The following TENM2 variants were observed in gnomAD, a reference collection of about 807,000 sequenced individuals.
The protein encoded by TENM2 is teneurin-2.
TENM2 carries 52 observed loss-of-function variants against 245.2 expected under a neutral mutation model. That is an observed-to-expected ratio of 0.21 (90% CI 0.17 to 0.27). The LOEUF (loss-of-function observed/expected upper bound fraction) is 0.27, where lower values mean the gene tolerates loss of function less well. Among genes scored for constraint, TENM2 ranks in the 10% least tolerant of loss-of-function variants. The pLI, the probability that TENM2 is intolerant of heterozygous loss-of-function variation, is 1.00. For synonymous variants in TENM2, 1,363 were observed against 1,438.9 expected, an observed-to-expected ratio of 0.95 and a Z score of 1.19; for missense variants, 3,046 against 3,666.8, an observed-to-expected ratio of 0.83 and a Z score of 4.37.
intron 3 of TENM2, among the ~76,000 whole-genome samples, chr5:167,905,961 T>C (rs1776056520): frequency 6.6e-6 from 1 of 152,228 alleles, no homozygotes; most frequent in Non-Finnish European, 1.5e-5. Context: ...TGTTAGGAGC[T>C]TGTTATTGTC....
In TENM2 at chr5:168,139,620, A is replaced by G. The variant is rs114455319; in HGVS notation, c.2422+12654A>G. 6.4e-3 allele frequency: 2,934 copies of G among 454,888 alleles called. 22 individuals are homozygous for G. The highest frequency in any genetic ancestry group is 9.3e-3 in the Non-Finnish European group (2,095 of 225,960). The allele number at this position is 454,888 out of a possible 1,614,324, so 28.2% of individuals were successfully genotyped here. ...TTAATGAGGGCACTATGAATTAAGT[A>G]TCTGTGTTGATTCAGGGAAGGGGAG... On this transcript the variant is annotated intron_variant, in intron 12 of 28. Coordinates refer to ENST00000518659, the Ensembl canonical transcript of TENM2.
At chr5:167,577,667 G>A (rs568152309) in intron 2 of TENM2, among the ~76,000 whole-genome samples, 38 of 152,118 alleles carry the variant, frequency 2.5e-4, no homozygotes, top group Non-Finnish European at 4.3e-4. Context: ...CTTGGTGGGA[G>A]ATTCTACTTT....
At chr5:168,060,227 GA>G (rs79503783) in intron 6 of TENM2, among the ~76,000 whole-genome samples, 4,613 of 119,502 alleles carry the variant, frequency 0.039, 86 homozygotes, top group African/African-American at 0.063. Flanking sequence ...TTGTCTCTAC[GA>G]AAAAAAAAAA....
At chr5:167,079,382 C>G in the TENM2 span, among the ~76,000 whole-genome samples, 1 of 150,216 alleles carries the variant, frequency 6.7e-6, no homozygotes, top group Non-Finnish European at 1.5e-5. Context: ...GGTGTGATCT[C>G]AGCTCACTGC....
intron 2 of TENM2, among the ~76,000 whole-genome samples, chr5:167,621,483 G>C (rs767185484): frequency 2.0e-5 from 3 of 151,988 alleles, no homozygotes; most frequent in African/African-American, 4.8e-5. Flanking sequence ...GGTAGGGAGG[G>C]GCCAGGTCAT....
chr5:167,690,316 A>G (rs1271500540), intron 2 of TENM2, among the ~76,000 whole-genome samples: 2 of 152,068 alleles, frequency 1.3e-5, no homozygotes, highest in African/African-American at 4.8e-5. Flanking sequence ...AGAAGAGGAA[A>G]GTGAGGTTCA....
the TENM2 span, among the ~76,000 whole-genome samples, chr5:167,101,716 G>A: frequency 6.6e-6 from 1 of 151,186 alleles, no homozygotes; most frequent in African/African-American, 2.4e-5. Flanking sequence ...CACATGTAGA[G>A]GCCATGTGTA....
intron 2 of TENM2, among the ~76,000 whole-genome samples, chr5:167,723,836 G>A (rs1759805130): frequency 2.0e-5 from 3 of 152,192 alleles, no homozygotes; most frequent in South Asian, 2.1e-4. Flanking sequence ...AGGCATTACT[G>A]TTCATGGAGC....
At chr5:167,479,519 C>A (rs1464486623) in intron 2 of TENM2, among the ~76,000 whole-genome samples, 1 of 151,994 alleles carries the variant, frequency 6.6e-6, no homozygotes, top group African/African-American at 2.4e-5. Flanking sequence ...ATAGTCTAAA[C>A]AAATAGATTT....
the TENM2 span, among the ~76,000 whole-genome samples, chr5:167,032,065 G>A: frequency 1.3e-5 from 2 of 151,908 alleles, no homozygotes; most frequent in African/African-American, 4.8e-5. Flanking sequence ...TGTTTTTTCG[G>A]AATTCCACAG....
intron 2 of TENM2, among the ~76,000 whole-genome samples, chr5:167,588,221 G>A (rs909429892): frequency 1.3e-5 from 2 of 152,200 alleles, no homozygotes; most frequent in Non-Finnish European, 2.9e-5. Flanking sequence ...GATTGGAGAG[G>A]AATTCTCCTT....
chr5:168,257,203 G>A (rs1183538253), intron 27 of TENM2, among the ~76,000 whole-genome samples: 1 of 151,984 alleles, frequency 6.6e-6, no homozygotes, highest in African/African-American at 2.4e-5. Context: ...AAATGACACA[G>A]CATGTTAGAA....
chr5:167,340,534 T>C (rs1758034092), intron 1 of TENM2, among the ~76,000 whole-genome samples: 1 of 152,172 alleles, frequency 6.6e-6, no homozygotes, highest in Non-Finnish European at 1.5e-5. Flanking sequence ...TTCCTCTTCT[T>C]GTAAGGGCAC....
At chr5:167,159,918 C>T in the TENM2 span, among the ~76,000 whole-genome samples, 2 of 152,144 alleles carry the variant, frequency 1.3e-5, no homozygotes, top group Non-Finnish European at 2.9e-5. Context: ...TGGTCCACTT[C>T]ACATACAAAC....
At chr5:168,131,663 A>C (rs149273422) in intron 12 of TENM2, among the ~76,000 whole-genome samples, 1 of 152,350 alleles carries the variant, frequency 6.6e-6, no homozygotes, top group East Asian at 1.9e-4. Flanking sequence ...GATTGTCAGA[A>C]TTAACCAACT....
chr5:167,159,535 C>A, the TENM2 span, among the ~76,000 whole-genome samples: 2 of 152,032 alleles, frequency 1.3e-5, no homozygotes, highest in Non-Finnish European at 2.9e-5. Flanking sequence ...TAGATTTAAG[C>A]ATTTCACAAT....
chr5:167,272,525 T>C, the TENM2 span, among the ~76,000 whole-genome samples: 2 of 152,192 alleles, frequency 1.3e-5, no homozygotes, highest in African/African-American at 4.8e-5. Flanking sequence ...TAAAACTTTT[T>C]ATTAGAATTA....
chr5:168,113,042 T>G (rs1291730968), intron 9 of TENM2, among the ~76,000 whole-genome samples: 1 of 152,200 alleles, frequency 6.6e-6, no homozygotes, highest in Non-Finnish European at 1.5e-5. Context: ...TTCAGCTGGG[T>G]GTAGTGGCTC....
intron 3 of TENM2, among the ~76,000 whole-genome samples, chr5:167,932,295 T>A (rs1290986533): frequency 6.6e-6 from 1 of 152,148 alleles, no homozygotes; most frequent in Non-Finnish European, 1.5e-5. Flanking sequence ...CTCAGTTGTG[T>A]CTTCAATGAG....
Sources: gnomAD v4.1 joint callset for allele counts (sites outside exome capture counted in the v4.1 genomes callset) on GRCh38, gnomAD v4.1.1 for gene constraint, MANE v1.5 for transcripts, NCBI Gene and HGNC (gene_info 2026-07-23, HGNC 2026-07-21) for gene names.